LHFPL3: variants seen among roughly 807,000 people sequenced by gnomAD.
LHFPL3 encodes the protein LHFPL tetraspan subfamily member 3 protein.
LHFPL3 carries 5 observed loss-of-function variants against 19.3 expected under a neutral mutation model. That is an observed-to-expected ratio of 0.26 (90% CI 0.14 to 0.54). LHFPL3 has a LOEUF of 0.54. LHFPL3 is among the 20% of genes least tolerant of loss of function. The probability of loss-of-function intolerance (pLI) is 0.94; values close to 1 mark genes in which losing one functional copy is unlikely to be tolerated. For missense variants in LHFPL3, 249 were observed against 307.4 expected (o/e 0.81, Z 1.42); for synonymous variants, 133 against 126.2 (o/e 1.05, Z -0.36).
At chr7:104,837,613 C>T (rs905813831) in intron 2 of LHFPL3, among the ~76,000 whole-genome samples, 3 of 152,104 alleles carry the variant, frequency 2.0e-5, no homozygotes, top group Non-Finnish European at 2.9e-5. Context: ...AAAGCACCAA[C>T]TTTATTTTTT....
intron 1 of LHFPL3, among the ~76,000 whole-genome samples, chr7:104,386,035 G>A (rs1024440785): frequency 8.6e-5 from 13 of 151,926 alleles, no homozygotes; most frequent in African/African-American, 1.5e-4. Context: ...AAGAAATATC[G>A]GTAAGAACAG....
chr7:104,404,124 C>G (rs1791371595), intron 1 of LHFPL3, among the ~76,000 whole-genome samples: 1 of 152,162 alleles, frequency 6.6e-6, no homozygotes, highest in Non-Finnish European at 1.5e-5. Context: ...AAAAAACTTG[C>G]TAACCCCTGC....
At chr7:104,725,811 G>A (rs1793578825) in intron 1 of LHFPL3, among the ~76,000 whole-genome samples, 1 of 151,970 alleles carries the variant, frequency 6.6e-6, no homozygotes, top group South Asian at 2.1e-4. Context: ...CAGCACTTTG[G>A]GAGGCCAAAA....
intron 2 of LHFPL3, among the ~76,000 whole-genome samples, chr7:104,881,370 A>T (rs1311213041): frequency 6.6e-6 from 1 of 152,190 alleles, no homozygotes; most frequent in Non-Finnish European, 1.5e-5. Flanking sequence ...TATCAACATT[A>T]ACAAGAGTTT....
chr7:104,643,694 T>C (rs1301979315), intron 1 of LHFPL3, among the ~76,000 whole-genome samples: 1 of 152,192 alleles, frequency 6.6e-6, no homozygotes, highest in Non-Finnish European at 1.5e-5. Flanking sequence ...GCCTGGGCTT[T>C]TTAAAAGCTC....
chr7:104,899,919 A>G (rs1584606291), intron 2 of LHFPL3, among the ~76,000 whole-genome samples: 1 of 152,164 alleles, frequency 6.6e-6, no homozygotes, highest in African/African-American at 2.4e-5. Flanking sequence ...TTTAGTAAAG[A>G]CAGGGTTTTA....
At chr7:104,709,364 A>G (rs12705268) in intron 1 of LHFPL3, among the ~76,000 whole-genome samples, 3,989 of 74,138 alleles carry the variant, frequency 0.054, 157 homozygotes, top group East Asian at 0.11. Context: ...GTTTTCCTAG[A>G]CAGAGGACCC....
chr7:104,333,161 CA>C (rs1285158607), intron 1 of LHFPL3, among the ~76,000 whole-genome samples: 1 of 152,190 alleles, frequency 6.6e-6, no homozygotes, highest in Non-Finnish European at 1.5e-5. Context: ...CTAATAACCA[CA>C]TTTTATAAAC....
In LHFPL3 at chr7:104,584,875, C is replaced by T. The variant is rs74842989; in HGVS notation, c.446-151800C>T. On this transcript the variant is annotated intron_variant, in intron 1 of 2. Transcript: ENST00000424859. ...GGTAATTCGGTGATCTCAACTAACC[C>T]AAATTTACTAAGAACTGTTGAAATC... Among the ~76,000 whole-genome samples the T allele has an allele frequency of 4.2e-3, 641 of 152,234 alleles. 35 individuals carry two copies. In the East Asian group the frequency reaches 0.1, roughly 24 times the overall value.
chr7:104,765,552 C>T (rs1184566895), intron 2 of LHFPL3, among the ~76,000 whole-genome samples: 6 of 152,196 alleles, frequency 3.9e-5, no homozygotes, highest in Admixed American at 3.9e-4. Context: ...TTTCAACCTA[C>T]CTTTTGCAAA....
chr7:104,689,889 T>A (rs1479416730), intron 1 of LHFPL3, among the ~76,000 whole-genome samples: 1 of 152,188 alleles, frequency 6.6e-6, no homozygotes, highest in Admixed American at 6.5e-5. Flanking sequence ...CCAGAATGCA[T>A]AATTGGCACA....
Position 104,374,344 on chromosome 7 carries a change from C to T in LHFPL3, c.445+45120C>T, listed in dbSNP as rs189700456. ...GCAACCTCCACCTCCTGGGTTCAAG[C>T]GATTCTCCTGCCTCAGCCTCCCGAG... On this transcript the variant is annotated intron_variant, in intron 1 of 2. Transcript: ENST00000424859. 2.4e-4 allele frequency among the ~76,000 whole-genome samples: 36 copies of T among 151,990 alleles called. No individual in the cohort carries two copies. In the East Asian group the frequency reaches 3.1e-3, roughly 13 times the overall value.
At chr7:104,490,615 A>G (rs894488152) in intron 1 of LHFPL3, among the ~76,000 whole-genome samples, 1 of 152,202 alleles carries the variant, frequency 6.6e-6, no homozygotes, top group African/African-American at 2.4e-5. Context: ...CATTGGGTAT[A>G]CAGAGAACCA....
chr7:104,611,988 CA>C lies in LHFPL3; in HGVS notation c.446-124682del, dbSNP rs200195509. Among the ~76,000 whole-genome samples the C allele has an allele frequency of 7.1e-3, 1,074 of 152,256 alleles. 10 individuals carry two copies. Among genetic ancestry groups the C allele is most frequent in the African/African-American group, 0.024 (1,002 of 41,546 alleles). ...CTTCCAATTTTCTAGAGTAAGTGCT[CA>C]AAAACGTCTTTTTTTTCTTCAAGAT... On this transcript the variant is annotated intron_variant, in intron 1 of 2. Coordinates refer to ENST00000424859, the MANE Select transcript of LHFPL3 (RefSeq NM_199000.3).
chr7:104,436,732 A>G (rs1263812956), intron 1 of LHFPL3, among the ~76,000 whole-genome samples: 1 of 152,198 alleles, frequency 6.6e-6, no homozygotes, highest in Non-Finnish European at 1.5e-5. Context: ...CTTTTTGCCC[A>G]TGCATTATTT....
At chr7:104,676,933 T>A (rs190215427) in intron 1 of LHFPL3, among the ~76,000 whole-genome samples, 1 of 152,316 alleles carries the variant, frequency 6.6e-6, no homozygotes, top group Admixed American at 6.5e-5. Flanking sequence ...CAGATTCAAC[T>A]ACAAAGATGT....
intron 2 of LHFPL3, chr7:104,802,941 G>T (rs1440923272): frequency 6.6e-6 from 1 of 152,264 alleles, no homozygotes; most frequent in East Asian, 1.9e-4. Flanking sequence ...ATGCTCTCCA[G>T]CTTCAAAAGC....
At chr7:104,673,493 GTC>G (rs1424768192) in intron 1 of LHFPL3, among the ~76,000 whole-genome samples, 1 of 152,220 alleles carries the variant, frequency 6.6e-6, no homozygotes, top group Non-Finnish European at 1.5e-5. Flanking sequence ...GGTAGTTACT[GTC>G]TTTGCACTTT....
At chr7:104,610,831 G>A (rs1791199751) in intron 1 of LHFPL3, among the ~76,000 whole-genome samples, 1 of 152,146 alleles carries the variant, frequency 6.6e-6, no homozygotes, top group African/African-American at 2.4e-5. Flanking sequence ...GCATCCTGTG[G>A]CCCAGTTAAG....
Sources: allele counts gnomAD v4.1 joint callset (sites outside exome capture counted in the v4.1 genomes callset), GRCh38; gene constraint gnomAD v4.1.1; transcripts MANE v1.5; gene names NCBI Gene and HGNC (gene_info 2026-07-23, HGNC 2026-07-21).